KIAA0319: variants seen among roughly 807,000 people sequenced by gnomAD.
The protein encoded by KIAA0319 is dyslexia-associated protein KIAA0319.
In KIAA0319, 83 loss-of-function variants were observed where a neutral mutation model predicts 108.4. That is an observed-to-expected ratio of 0.77 (90% CI 0.64 to 0.92). KIAA0319 has a LOEUF of 0.92. Among genes scored for constraint, KIAA0319 ranks in the 40% least tolerant of loss-of-function variants. KIAA0319 has a pLI of 0.00. For synonymous variants in KIAA0319, 484 were observed against 510.4 expected (o/e 0.95, Z 0.70); for missense variants, 1,195 against 1,322.4 (o/e 0.90, Z 1.49).
At position 24,603,866 on chromosome 6, in the gene KIAA0319, C is replaced by T. The variant is rs376867803; in HGVS notation, c.-105-2658G>A. On this transcript the variant is annotated intron_variant, in intron 1 of 20. Transcript: ENST00000378214. ...CAACTCAAATCACGAGAGTGCCGCC[C>T]GTTGAAATGCACATAGGGGACTGCC... Among the ~76,000 whole-genome samples the T allele has an allele frequency of 2.6e-4, 40 of 152,224 alleles. No homozygotes were observed. The East Asian group carries it at 6.8e-3, about 26-fold the overall frequency.
chr6:24,580,022 C>T lies in KIAA0319; in HGVS notation c.1280-72G>A. ...TATGTCATTACCCACATAAAATCAT[C>T]TACTTTAAAAAATTGATTATACATG... On this transcript the variant is annotated intron_variant, in intron 7 of 20. Coordinates refer to ENST00000378214, the MANE Select transcript of KIAA0319 (RefSeq NM_014809.4). The T allele has an allele frequency of 2.5e-6, 3 of 1,198,586 alleles. No homozygotes were observed. In the South Asian group the frequency reaches 4.1e-5, roughly 16 times the overall value. The allele number at this position is 1,198,586 out of a possible 1,614,324, so 74.2% of individuals were successfully genotyped here. A position where few individuals can be genotyped will look rare whatever the true frequency, so the allele number is the denominator to read the frequency against.
chr6:24,555,173 G>T (rs1157155807), intron 18 of KIAA0319, among the ~76,000 whole-genome samples: 2 of 152,164 alleles, frequency 1.3e-5, no homozygotes, highest in African/African-American at 4.8e-5. Context: ...AGACAGAGAA[G>T]CCCAGTTTAA....
At chr6:24,630,818 C>T (rs1775490803) in intron 1 of KIAA0319, among the ~76,000 whole-genome samples, 1 of 151,952 alleles carries the variant, frequency 6.6e-6, no homozygotes, top group Non-Finnish European at 1.5e-5. Flanking sequence ...AATTTGTTTG[C>T]AACATTCCAT....
intron 1 of KIAA0319, among the ~76,000 whole-genome samples, chr6:24,635,915 C>G (rs1776145351): frequency 6.6e-6 from 1 of 152,202 alleles, no homozygotes; most frequent in Non-Finnish European, 1.5e-5. Flanking sequence ...AGTGGGTAGG[C>G]ATCTTCTGAC....
chr6:24,620,434 G>A (rs547161685), intron 1 of KIAA0319, among the ~76,000 whole-genome samples: 1 of 152,272 alleles, frequency 6.6e-6, no homozygotes, highest in African/African-American at 2.4e-5. Flanking sequence ...CCAACTAGCT[G>A]AGATTACAGG....
At position 24,579,906 on chromosome 6, in the gene KIAA0319, G is replaced by T. The variant is rs1244258795; in HGVS notation, c.1324C>A (p.Leu442Met). ...GTCAAAGGCAAAGTGAGCTCTTGCAGTTGGGGAGAAACAACTGCTACAGGT... is the reference window on the plus strand; with the variant it reads ...GTCAAAGGCAAAGTGAGCTCTTGCATTTGGGGAGAAACAACTGCTACAGGT... ...LPPVAVVSPQ[L>M]QELTLPLTSA... is the part of the protein sequence containing the mutation. The change falls in exon 8 of 21, where the codon CTG becomes ATG. Residue 442 changes from leucine to methionine, a missense_variant. By Grantham distance (15) the Leu-to-Met change is conservative. Transcript: ENST00000378214. 1 of 1,603,564 alleles carries T rather than the reference G, an allele frequency of 6.2e-7. No homozygotes were observed. Among genetic ancestry groups the T allele is most frequent in the Admixed American group, 1.7e-5 (1 of 58,944 alleles).
At chr6:24,612,147 T>C (rs1772424469) in intron 1 of KIAA0319, among the ~76,000 whole-genome samples, 1 of 151,736 alleles carries the variant, frequency 6.6e-6, no homozygotes, top group African/African-American at 2.4e-5. Flanking sequence ...ACCTAAGAGA[T>C]TGTCACATAT....
intron 7 of KIAA0319, among the ~76,000 whole-genome samples, chr6:24,580,392 G>A (rs1766312403): frequency 6.6e-6 from 1 of 151,294 alleles, no homozygotes; most frequent in South Asian, 2.1e-4. Context: ...TACAAGGGAG[G>A]TTCACCTTGA....
In KIAA0319 at chr6:24,642,356, A is replaced by G. The variant is rs376714143; in HGVS notation, c.-106+3380T>C. On this transcript the variant is annotated intron_variant, in intron 1 of 20. Transcript: ENST00000378214. ...AAAAAATTTTGAAGGTAACTCTGTT[A>G]CAATGATTACAAGACAGTGCAGCTA... Among the ~76,000 whole-genome samples the G allele has an allele frequency of 8.5e-5, 13 of 152,340 alleles. 1 individual carries two copies. In the South Asian group the frequency reaches 2.7e-3, roughly 32 times the overall value.
intron 1 of KIAA0319, among the ~76,000 whole-genome samples, chr6:24,624,017 CTTT>C (rs536970883): frequency 0.013 from 666 of 50,528 alleles, 18 homozygotes; most frequent in African/African-American, 0.058. Context: ...TCTTTGTTTT[CTTT>C]TTTTTTTTTT....
chr6:24,593,712 T>C (rs1296839787), intron 3 of KIAA0319, among the ~76,000 whole-genome samples: 5 of 151,820 alleles, frequency 3.3e-5, no homozygotes, highest in Admixed American at 1.3e-4. Context: ...TGAATAATTA[T>C]CTTTTAACAA....
chr6:24,557,161 C>T lies in KIAA0319; in HGVS notation c.2735-432G>A, dbSNP rs534255715. 1.1e-3 allele frequency among the ~76,000 whole-genome samples: 170 copies of T among 152,048 alleles called. 1 individual carries two copies. Among genetic ancestry groups the T allele is most frequent in the African/African-American group, 2.8e-3 (117 of 41,440 alleles). ...TGGAGGTTGCAGTGAGCCGAGATCG[C>T]GCCACTGCACTCCAGCCTGGTGACA... On this transcript the variant is annotated intron_variant, in intron 17 of 20. Transcript: ENST00000378214.
At position 24,596,458 on chromosome 6, in the gene KIAA0319, C is replaced by T; in HGVS notation, c.216G>A (p.Trp72Ter). 6.2e-7 allele frequency: 1 copy of T among 1,614,210 alleles called. No homozygotes were observed. The highest frequency in any genetic ancestry group is 8.5e-7 in the Non-Finnish European group (1 of 1,180,048). ...CDLSSCDLAW[W>*]FEGRCYLVSC... is the part of the protein sequence containing the mutation. ...TCACCAGGTAGCAGCGGCCCTCGAA[C>T]CACCAGGCCAGGTCACAGCTGGACA... The change falls in exon 3 of 21, where the codon TGG becomes TGA. Residue 72 changes from tryptophan (W) to a stop codon, truncating the protein, a stop_gained. Transcript: ENST00000378214. LOFTEE classifies it high-confidence loss of function.
At chr6:24,623,071 G>C (rs559498002) in intron 1 of KIAA0319, among the ~76,000 whole-genome samples, 1 of 151,930 alleles carries the variant, frequency 6.6e-6, no homozygotes, top group Non-Finnish European at 1.5e-5. Context: ...GAGAGAGAGA[G>C]ATTAAGTCAC....
Position 24,595,888 on chromosome 6 carries a change from G to T in KIAA0319, c.786C>A (p.Asn262Lys), listed in dbSNP as rs1487195550. The T allele has an allele frequency of 1.2e-6, 2 of 1,603,948 alleles. No homozygotes were observed. The highest frequency in any genetic ancestry group is 1.7e-5 in the Admixed American group (1 of 59,436). ...ACACACTCACCTCTTTTCCAGAGCT[G>T]TTGCTGGATTGTTCCTGGAGCTGAG... ...KASQLQEQSS[N>K]SSGKEVLMPS... The change falls in exon 3 of 21, where the codon AAC becomes AAA. Residue 262 changes from asparagine (N) to lysine (K), a missense_variant. By Grantham distance (94) the Asn-to-Lys change is moderately conservative (BLOSUM62 0). Coordinates refer to ENST00000378214, the MANE Select transcript of KIAA0319 (RefSeq NM_014809.4).
In KIAA0319 at chr6:24,554,561, A is replaced by T. The variant is rs530290993; in HGVS notation, c.2928T>A (p.Leu976=). ...LIVLTGGFTW[L]CICCCKRQKR... is the part of the protein sequence containing the mutation. ...GGTACCTTTTGCAGCAGCAGATGCAAAGCCAAGTGAAACCTCCTGTTAGCA... is the reference window on the plus strand; with the variant it reads ...GGTACCTTTTGCAGCAGCAGATGCATAGCCAAGTGAAACCTCCTGTTAGCA... The change falls in exon 19 of 21, where the codon CTT becomes CTA. Residue 976 remains leucine (L), a synonymous_variant. Coordinates refer to ENST00000378214, the MANE Select transcript of KIAA0319 (RefSeq NM_014809.4). The T allele has an allele frequency of 1.2e-6, 2 of 1,613,872 alleles. No homozygotes were observed. Among genetic ancestry groups the T allele is most frequent in the South Asian group, 2.2e-5 (2 of 91,076 alleles).
In KIAA0319 at chr6:24,593,959, G is replaced by C. The variant is rs531144662; in HGVS notation, c.801+1914C>G. ...CTCATGCCTGTAATCCCAGCACTTTGGGAGGCCGAGGCAGGTGGATCATGA... is the reference window on the plus strand; with the variant it reads ...CTCATGCCTGTAATCCCAGCACTTTCGGAGGCCGAGGCAGGTGGATCATGA... On this transcript the variant is annotated intron_variant, in intron 3 of 20. Transcript: ENST00000378214. Among the ~76,000 whole-genome samples the C allele has an allele frequency of 2.0e-5, 3 of 151,334 alleles. No homozygotes were observed. The South Asian group carries it at 6.3e-4, about 32-fold the overall frequency.
chr6:24,636,628 T>C (rs573010283), intron 1 of KIAA0319, among the ~76,000 whole-genome samples: 96 of 152,252 alleles, frequency 6.3e-4, no homozygotes, highest in African/African-American at 2.2e-3. Context: ...AAAAACTGTA[T>C]GAGGACAATG....
At chr6:24,582,133 A>C in intron 6 of KIAA0319, 116 bp downstream of exon 6, 2 of 670,610 alleles carry the variant, frequency 3.0e-6, no homozygotes, top group South Asian at 3.2e-5. Flanking sequence ...GCAACAGAGC[A>C]AGACTCTGTC....
Sources: gnomAD v4.1 joint callset for allele counts (sites outside exome capture counted in the v4.1 genomes callset) on GRCh38, gnomAD v4.1.1 for gene constraint, MANE v1.5 for transcripts, NCBI Gene and HGNC (gene_info 2026-07-23, HGNC 2026-07-21) for gene names.